Variants in ARPP21 observed in about 807,000 individuals in gnomAD.
ARPP21 encodes the protein cAMP-regulated phosphoprotein 21.
In ARPP21, 69 loss-of-function variants were observed where a neutral mutation model predicts 113.2. That is an observed-to-expected ratio of 0.61 (90% CI 0.50 to 0.74). The LOEUF is 0.74. ARPP21 is among the 30% of genes least tolerant of loss of function. The probability of loss-of-function intolerance (pLI) is 0.00; values close to 1 mark genes in which losing one functional copy is unlikely to be tolerated. For missense variants in ARPP21, 1,070 were observed against 1,037.4 expected, an observed-to-expected ratio of 1.03 and a Z score of -0.43; for synonymous variants, 368 against 375.5, an observed-to-expected ratio of 0.98 and a Z score of 0.23.
chr3:35,693,144 G>A (rs1457406476), intron 9 of ARPP21, among the ~76,000 whole-genome samples: 1 of 151,424 alleles, frequency 6.6e-6, no homozygotes, highest in Non-Finnish European at 1.5e-5. Flanking sequence ...CCTCTCGAAG[G>A]TACAACTGCT....
Position 35,702,396 on chromosome 3 carries a change from G to A in ARPP21, c.687-4578G>A, listed in dbSNP as rs563690236. Among the ~76,000 whole-genome samples, 8 of 151,586 alleles carry A rather than the reference G, an allele frequency of 5.3e-5. No homozygotes were observed. In the South Asian group the frequency reaches 6.2e-4, roughly 12 times the overall value. ...TTCTTTGGATTCATTATTAGAAATC[G>A]AACTACTTTGTCAGGACAAAATGAT... On this transcript the variant is annotated intron_variant, in intron 9 of 20. Transcript: ENST00000684406.
chr3:35,653,611 G>C (rs1194313623), intron 1 of ARPP21, among the ~76,000 whole-genome samples: 1 of 152,088 alleles, frequency 6.6e-6, no homozygotes, highest in East Asian at 1.9e-4. Context: ...AAGGGGGTAG[G>C]TTTGACATCA....
At chr3:35,758,234 T>G (rs2095642111) in intron 19 of ARPP21, among the ~76,000 whole-genome samples, 1 of 152,022 alleles carries the variant, frequency 6.6e-6, no homozygotes, top group African/African-American at 2.4e-5. Flanking sequence ...TATTTCTCCA[T>G]GCAGTCCTTG....
intron 1 of ARPP21, among the ~76,000 whole-genome samples, chr3:35,660,760 T>A (rs999598740): frequency 6.6e-6 from 1 of 152,186 alleles, no homozygotes; most frequent in African/African-American, 2.4e-5. Flanking sequence ...ATGCTTCTAT[T>A]CTTTTTTGTG....
chr3:35,645,468 T>C (rs1159320529), intron 1 of ARPP21, among the ~76,000 whole-genome samples: 1 of 151,960 alleles, frequency 6.6e-6, no homozygotes, highest in Non-Finnish European at 1.5e-5. Flanking sequence ...ATGGGTAATG[T>C]TTCTATGAAG....
intron 11 of ARPP21, 120 bp from the exon 12 acceptor site, chr3:35,715,319 C>A (rs1311828576): frequency 1.1e-5 from 8 of 759,422 alleles, no homozygotes; most frequent in South Asian, 6.4e-5. Flanking sequence ...ATCTTTTGTA[C>A]CTATTTTTCT....
intron 9 of ARPP21, among the ~76,000 whole-genome samples, chr3:35,701,339 T>C (rs1206234053): frequency 3.3e-5 from 5 of 151,748 alleles, no homozygotes; most frequent in Non-Finnish European, 5.9e-5. Context: ...TTCTATAAAG[T>C]AATTTTTCTA....
At chr3:35,739,661 G>C (rs2094542917) in intron 18 of ARPP21, 84 bp downstream of exon 18, 1 of 1,473,086 alleles carries the variant, frequency 6.8e-7, no homozygotes, top group Admixed American at 2.2e-5. Flanking sequence ...AAAATAACCA[G>C]ATTCACTCCC....
intron 19 of ARPP21, among the ~76,000 whole-genome samples, chr3:35,791,662 G>T (rs139398506): frequency 1.0e-3 from 158 of 152,016 alleles, no homozygotes; most frequent in African/African-American, 3.7e-3. Context: ...CACCCAGAAA[G>T]ACATGAACAG....
chr3:35,702,723 A>T (rs983192941), intron 9 of ARPP21, among the ~76,000 whole-genome samples: 3 of 151,864 alleles, frequency 2.0e-5, no homozygotes, highest in African/African-American at 7.2e-5. Flanking sequence ...CACTGCACAT[A>T]TTAAGTTTAT....
chr3:35,790,750 A>C (rs1437470201), intron 19 of ARPP21, among the ~76,000 whole-genome samples: 1 of 152,224 alleles, frequency 6.6e-6, no homozygotes, highest in Non-Finnish European at 1.5e-5. Context: ...TGTGGACAGA[A>C]TGTAGCTCAA....
chr3:35,646,934 T>C (rs1036360426), intron 1 of ARPP21, among the ~76,000 whole-genome samples: 1 of 152,180 alleles, frequency 6.6e-6, no homozygotes, highest in Non-Finnish European at 1.5e-5. Flanking sequence ...TCCCGTGTCA[T>C]TTAACTTTGG....
chr3:35,708,559 T>C (rs2090024198), intron 10 of ARPP21, among the ~76,000 whole-genome samples: 1 of 152,242 alleles, frequency 6.6e-6, no homozygotes. Context: ...TTCCCTCAGC[T>C]ACCTTGAACT....
chr3:35,736,891 C>T (rs2094388174), intron 15 of ARPP21, among the ~76,000 whole-genome samples: 1 of 152,206 alleles, frequency 6.6e-6, no homozygotes, highest in Non-Finnish European at 1.5e-5. Flanking sequence ...ACAGGTCTCT[C>T]TACTGGGTAC....
intron 17 of ARPP21, among the ~76,000 whole-genome samples, 160 bp from the exon 18 acceptor site, chr3:35,739,157 G>T (rs2150747917): frequency 6.6e-6 from 1 of 152,326 alleles, no homozygotes; most frequent in African/African-American, 2.4e-5. Context: ...GTGTTCTCTT[G>T]TTATGTTCTG....
chr3:35,766,042 T>A (rs910332361), intron 19 of ARPP21, among the ~76,000 whole-genome samples: 7 of 152,144 alleles, frequency 4.6e-5, no homozygotes, highest in Non-Finnish European at 7.4e-5. Flanking sequence ...AAATGAGCAC[T>A]GATTCTGAAA....
At chr3:35,645,481 T>C (rs1365163808) in intron 1 of ARPP21, among the ~76,000 whole-genome samples, 1 of 151,948 alleles carries the variant, frequency 6.6e-6, no homozygotes, top group Non-Finnish European at 1.5e-5. Context: ...CTATGAAGAA[T>C]TGTAAAGTGT....
intron 1 of ARPP21, among the ~76,000 whole-genome samples, chr3:35,665,760 G>C (rs1468489554): frequency 6.6e-6 from 1 of 152,180 alleles, no homozygotes; most frequent in East Asian, 1.9e-4. Context: ...TTTGTAAAAA[G>C]TTAATACAAC....
chr3:35,653,976 A>G (rs1703633345), intron 1 of ARPP21, among the ~76,000 whole-genome samples: 1 of 152,024 alleles, frequency 6.6e-6, no homozygotes, highest in African/African-American at 2.4e-5. Context: ...AGTGTCAACA[A>G]GATATATAAT....
Sources: allele counts gnomAD v4.1 joint callset (sites outside exome capture counted in the v4.1 genomes callset), GRCh38; gene constraint gnomAD v4.1.1; transcripts MANE v1.5; gene names NCBI Gene and HGNC (gene_info 2026-07-23, HGNC 2026-07-21).